Variants in DNAH14 observed in about 807,000 individuals in gnomAD.
DNAH14 encodes the protein axonemal beta dynein heavy chain 14.
In DNAH14, 478 loss-of-function variants were observed where a neutral mutation model predicts 520.9. The observed-to-expected ratio is 0.92, with a 90% CI of 0.85 to 0.99. The LOEUF is 0.99. Ranked by LOEUF, DNAH14 falls within the 50% of genes least tolerant of loss-of-function variation. DNAH14 has a pLI of 0.00. For synonymous variants in DNAH14, 1,581 were observed against 1,757.2 expected (o/e 0.90, Z 2.51); for missense variants, 4,831 against 5,234.5 (o/e 0.92, Z 2.38).
chr1:225,130,920 T>C (rs557289995), intron 27 of DNAH14, among the ~76,000 whole-genome samples: 2 of 152,258 alleles, frequency 1.3e-5, no homozygotes, highest in South Asian at 4.1e-4. Context: ...TGTATAAGTA[T>C]TTAGTTTGTG....
chr1:225,042,784 T>G, intron 12 of DNAH14, 51 bp from the exon 13 acceptor site: 1 of 1,496,628 alleles, frequency 6.7e-7, no homozygotes, highest in Non-Finnish European at 8.9e-7. Context: ...AATTAAATGT[T>G]CTGTAAGTTA....
chr1:225,311,658 T>C (rs2150133414), intron 60 of DNAH14, among the ~76,000 whole-genome samples: 1 of 152,332 alleles, frequency 6.6e-6, no homozygotes, highest in Admixed American at 6.5e-5. Flanking sequence ...AGTTTCAGTT[T>C]TCTGCATATA....
In DNAH14 at chr1:225,380,298, G is replaced by GA. The variant is rs1439268870; in HGVS notation, c.12857dup (p.Ser4287ValfsTer4). ...GAGCATGATGTCAAGCTCCATTTGGGAGTCTCTTTCTAAAAATCTCAAAGG... is the reference window on the plus strand; with the variant it reads ...GAGCATGATGTCAAGCTCCATTTGGGAAGTCTCTTTCTAAAAATCTCAAAGG... On this transcript the variant is annotated frameshift_variant, in exon 80 of 86. Transcript: ENST00000682510. LOFTEE classifies it high-confidence loss of function. The GA allele has an allele frequency of 1.5e-5, 23 of 1,551,386 alleles. No individual in the cohort carries two copies. The highest frequency in any genetic ancestry group is 1.9e-5 in the Non-Finnish European group (22 of 1,146,944).
chr1:225,290,641 G>GTATATA (rs777422222), intron 55 of DNAH14, among the ~76,000 whole-genome samples: 922 of 90,998 alleles, frequency 0.01, 59 homozygotes, highest in African/African-American at 0.032. Flanking sequence ...ATGTGTGTGT[G>GTATATA]TGTGTGTATA....
chr1:225,017,927 C>A (rs2065345771), intron 10 of DNAH14, among the ~76,000 whole-genome samples: 1 of 152,212 alleles, frequency 6.6e-6, no homozygotes, highest in Non-Finnish European at 1.5e-5. Context: ...CAAAGAACAA[C>A]AACTTCAAAG....
chr1:225,374,269 TA>T (rs201619074), intron 77 of DNAH14, among the ~76,000 whole-genome samples: 7,830 of 79,572 alleles, frequency 0.098, 605 homozygotes, highest in South Asian at 0.27. Flanking sequence ...TATATATATA[TA>T]TTTTTTTTTG....
intron 77 of DNAH14, among the ~76,000 whole-genome samples, chr1:225,371,936 G>A (rs1256676364): frequency 6.6e-6 from 1 of 152,080 alleles, no homozygotes; most frequent in Non-Finnish European, 1.5e-5. Context: ...TATTTGGATT[G>A]CTTTATCTAA....
chr1:225,374,925 T>G (rs2095677434), intron 78 of DNAH14, 40 bp downstream of exon 78: 2 of 1,477,720 alleles, frequency 1.4e-6, no homozygotes, highest in East Asian at 5.0e-5. Flanking sequence ...CTCGATAATT[T>G]TAAAGTAAAC....
At chr1:225,105,954 T>A (rs1408714537) in intron 23 of DNAH14, among the ~76,000 whole-genome samples, 2 of 138,194 alleles carry the variant, frequency 1.4e-5, no homozygotes, top group East Asian at 2.1e-4. Context: ...TATTTTGCTC[T>A]TTAGTTGATG....
Position 225,346,530 on chromosome 1 carries a change from C to T in DNAH14, c.11172C>T (p.Asn3724=). Reference sequence around the variant, plus strand: ...GGCTTTGCACTGTAATCATGCAAAACAATGCTAATGGAAATCTAATACAGG... The same window carrying T: ...GGCTTTGCACTGTAATCATGCAAAATAATGCTAATGGAAATCTAATACAGG... ...SFRLCTVIMQ[N]NANGNLIQDD... is the part of the protein sequence containing the mutation. The change falls in exon 71 of 86, where the codon AAC becomes AAT. Residue 3724 remains asparagine, a synonymous_variant. Transcript: ENST00000682510. 2 of 1,551,248 alleles carry T rather than the reference C, an allele frequency of 1.3e-6. No individual in the cohort carries two copies. Among genetic ancestry groups the T allele is most frequent in the Non-Finnish European group, 1.7e-6 (2 of 1,146,794 alleles).
chr1:224,950,478 T>G (rs1376264001), intron 1 of DNAH14, among the ~76,000 whole-genome samples: 4 of 152,262 alleles, frequency 2.6e-5, no homozygotes, highest in Non-Finnish European at 1.5e-5. Flanking sequence ...CTGTGAGAAG[T>G]GTGAGGTTAA....
intron 41 of DNAH14, among the ~76,000 whole-genome samples, chr1:225,209,233 G>A (rs1039992832): frequency 3.9e-5 from 6 of 152,098 alleles, no homozygotes; most frequent in African/African-American, 9.7e-5. Context: ...CCTGGAAATG[G>A]GCATACTTTT....
Position 225,161,991 on chromosome 1 carries a change from G to A in DNAH14, c.5445+2506G>A, listed in dbSNP as rs1559141292. ...CTTTGTTGATTGCATCCTTTGCTGT[G>A]CAGAAGCTTTTTAACTTCATGCGAT... On this transcript the variant is annotated intron_variant, in intron 35 of 85. Transcript: ENST00000682510. Among the ~76,000 whole-genome samples, 5 of 152,088 alleles carry A rather than the reference G, an allele frequency of 3.3e-5. 1 individual carries two copies. The highest frequency in any genetic ancestry group is 3.3e-4 in the Admixed American group (5 of 15,282).
chr1:224,980,429 T>C (rs1402869929), intron 8 of DNAH14, among the ~76,000 whole-genome samples: 1 of 151,976 alleles, frequency 6.6e-6, no homozygotes, highest in Non-Finnish European at 1.5e-5. Flanking sequence ...GGGAAGGACT[T>C]TGTCTTGTGG....
intron 21 of DNAH14, among the ~76,000 whole-genome samples, chr1:225,089,891 T>C (rs1336269440): frequency 1.3e-5 from 2 of 152,136 alleles, no homozygotes; most frequent in Non-Finnish European, 2.9e-5. Flanking sequence ...GCTTTTCCCC[T>C]AAGATCAAGA....
chr1:225,258,188 A>G (rs1261823342), intron 45 of DNAH14, 70 bp downstream of exon 45: 3 of 1,308,784 alleles, frequency 2.3e-6, no homozygotes, highest in Admixed American at 3.6e-5. Flanking sequence ...TGGTCTAACT[A>G]TCTTATTTTG....
Position 225,002,830 on chromosome 1 carries a change from C to G in DNAH14, c.878C>G (p.Thr293Ser). The part of the protein sequence containing the change: ...HLFLADDLFQ[T>S]CLVYIRGLCE... ...TTTTTGGCTGATGACTTGTTTCAAA[C>G]CTGTTTGGTTTATATAAGAGGACTT... The change falls in exon 9 of 86, where the codon ACC (threonine) becomes AGC (serine). Residue 293 changes from threonine to serine, a missense_variant. Thr to Ser is a moderately conservative substitution (Grantham distance 58). Transcript: ENST00000682510. The G allele has an allele frequency of 6.5e-7, 1 of 1,549,058 alleles. No homozygotes were observed. The highest frequency in any genetic ancestry group is 8.7e-7 in the Non-Finnish European group (1 of 1,145,764).
At chr1:224,945,322 G>T (rs112711608) in intron 1 of DNAH14, among the ~76,000 whole-genome samples, 1 of 151,932 alleles carries the variant, frequency 6.6e-6, no homozygotes, top group African/African-American at 2.4e-5. Flanking sequence ...CGTAGTTATC[G>T]TGCCTTGGTT....
intron 1 of DNAH14, among the ~76,000 whole-genome samples, chr1:224,936,499 A>G (rs1237434463): frequency 6.6e-6 from 1 of 151,948 alleles, no homozygotes; most frequent in Non-Finnish European, 1.5e-5. Context: ...GACATATACA[A>G]CCTATTAAGA....
Sources: gnomAD v4.1 joint callset for allele counts (sites outside exome capture counted in the v4.1 genomes callset) on GRCh38, gnomAD v4.1.1 for gene constraint, MANE v1.5 for transcripts, NCBI Gene and HGNC (gene_info 2026-07-23, HGNC 2026-07-21) for gene names.